The following TRPM6 variants were observed in gnomAD, a reference collection of about 807,000 sequenced individuals.
The protein encoded by TRPM6 is channel kinase 2.
TRPM6 carries 111 observed loss-of-function variants against 247.6 expected under a neutral mutation model. The observed-to-expected ratio is 0.45, with a 90% CI of 0.38 to 0.52. The LOEUF (loss-of-function observed/expected upper bound fraction) is 0.52, where lower values mean the gene tolerates loss of function less well. TRPM6 is among the 20% of genes least tolerant of loss of function. TRPM6 has a pLI of 0.00. For synonymous variants in TRPM6, 892 were observed against 853.8 expected (o/e 1.04, Z -0.78); for missense variants, 2,126 against 2,421.5 (o/e 0.88, Z 2.56).
intron 20 of TRPM6, among the ~76,000 whole-genome samples, chr9:74,786,421 G>C (rs1253346385): frequency 6.6e-6 from 1 of 152,182 alleles, no homozygotes; most frequent in Admixed American, 6.6e-5. Context: ...GAAATAGCAT[G>C]AGAAAACACC....
intron 38 of TRPM6, among the ~76,000 whole-genome samples, chr9:74,726,927 C>A (rs998228503): frequency 2.6e-5 from 4 of 152,202 alleles, no homozygotes; most frequent in Non-Finnish European, 5.9e-5. Context: ...AATCTCTTTG[C>A]TCACATCAGG....
chr9:74,820,967 G>T (rs1479470456), intron 8 of TRPM6, among the ~76,000 whole-genome samples: 1 of 152,152 alleles, frequency 6.6e-6, no homozygotes, highest in African/African-American at 2.4e-5. Context: ...AGAGGGAGAT[G>T]GTAGAGGGCG....
At chr9:74,866,760 C>T (rs1245363925) in intron 1 of TRPM6, among the ~76,000 whole-genome samples, 2 of 152,274 alleles carry the variant, frequency 1.3e-5, no homozygotes, top group Non-Finnish European at 2.9e-5. Flanking sequence ...GGATTACAGG[C>T]GTGAGCCACC....
At chr9:74,782,650 T>C (rs1827504116) in intron 22 of TRPM6, 29 bp downstream of exon 22, 1 of 1,612,670 alleles carries the variant, frequency 6.2e-7, no homozygotes, top group Non-Finnish European at 8.5e-7. Context: ...AGGCACAATT[T>C]CTGCATGACG....
intron 14 of TRPM6, among the ~76,000 whole-genome samples, chr9:74,806,345 C>T (rs1002334001): frequency 2.3e-4 from 35 of 151,938 alleles, no homozygotes; most frequent in Non-Finnish European, 2.5e-4. Context: ...AGGCTGGTCT[C>T]GAATTCCTGG....
At chr9:74,745,082 T>C (rs1388769598) in intron 31 of TRPM6, among the ~76,000 whole-genome samples, 1 of 152,196 alleles carries the variant, frequency 6.6e-6, no homozygotes, top group Non-Finnish European at 1.5e-5. Flanking sequence ...GCAAATGTAT[T>C]AGGAGAGAGA....
At chr9:74,808,512 T>C (rs1306026742) in intron 13 of TRPM6, among the ~76,000 whole-genome samples, 1 of 152,208 alleles carries the variant, frequency 6.6e-6, no homozygotes, top group Non-Finnish European at 1.5e-5. Flanking sequence ...ATATTTTTTA[T>C]TCCATATTGA....
intron 18 of TRPM6, among the ~76,000 whole-genome samples, chr9:74,794,406 T>C (rs577574493): frequency 6.6e-6 from 1 of 152,232 alleles, no homozygotes; most frequent in South Asian, 2.1e-4. Flanking sequence ...TTATCGTCAG[T>C]GCCTAATTAA....
chr9:74,744,059 G>A (rs989364206), intron 32 of TRPM6, 36 bp downstream of exon 32: 1 of 1,597,694 alleles, frequency 6.3e-7, no homozygotes, highest in Non-Finnish European at 8.6e-7. Flanking sequence ...CAGACATTTA[G>A]CTCAGCTGAC....
At position 74,858,657 on chromosome 9, in the gene TRPM6, T is replaced by G. The variant is rs201888532; in HGVS notation, c.113+12A>C. Reference sequence around the variant, plus strand: ...GTTGCTTTTAAAAGAAGAAGGTAATTGAAAATTTTACCTGTGAGGATTTTT... The same window carrying G: ...GTTGCTTTTAAAAGAAGAAGGTAATGGAAAATTTTACCTGTGAGGATTTTT... On this transcript the variant is annotated intron_variant, in intron 2 of 38. Coordinates refer to ENST00000360774, the MANE Select transcript of TRPM6 (RefSeq NM_017662.5). 1,034 of 1,597,876 alleles carry G rather than the reference T, an allele frequency of 6.5e-4. 2 individuals are homozygous for G. Among genetic ancestry groups the G allele is most frequent in the Non-Finnish European group, 8.3e-4 (966 of 1,166,432 alleles).
intron 1 of TRPM6, among the ~76,000 whole-genome samples, chr9:74,863,168 T>C (rs1015755766): frequency 3.6e-4 from 54 of 151,586 alleles, no homozygotes; most frequent in African/African-American, 1.3e-3. Context: ...TGCCTCAGTC[T>C]CCCAAGTAGC....
At chr9:74,791,817 G>A (rs567868281) in intron 19 of TRPM6, among the ~76,000 whole-genome samples, 13 of 152,182 alleles carry the variant, frequency 8.5e-5, no homozygotes, top group East Asian at 3.9e-4. Flanking sequence ...GTGTAGCGGC[G>A]CAATCTCGGC....
At chr9:74,807,486 A>G (rs1026591088) in intron 14 of TRPM6, among the ~76,000 whole-genome samples, 2 of 152,178 alleles carry the variant, frequency 1.3e-5, no homozygotes, top group Non-Finnish European at 2.9e-5. Context: ...GCTAACTACT[A>G]ACCAACAACT....
chr9:74,824,457 C>A (rs999682050), intron 7 of TRPM6, among the ~76,000 whole-genome samples: 5 of 137,446 alleles, frequency 3.6e-5, no homozygotes, highest in African/African-American at 1.3e-4. Flanking sequence ...TGGCCCACTT[C>A]TCTTGAAATA....
Position 74,766,698 on chromosome 9 carries a change from G to A in TRPM6, c.3537-3564C>T, listed in dbSNP as rs1826837755. 2.0e-5 allele frequency among the ~76,000 whole-genome samples: 3 copies of A among 151,848 alleles called. No homozygotes were observed. The South Asian group carries it at 6.2e-4, about 32-fold the overall frequency. On this transcript the variant is annotated intron_variant, in intron 25 of 38. Transcript: ENST00000360774. ...GACTGAGGCAGGTGGATCATCTAAGGTCAGGAGTTCAAGACCAGCAGGGCC... is the reference window on the plus strand; with the variant it reads ...GACTGAGGCAGGTGGATCATCTAAGATCAGGAGTTCAAGACCAGCAGGGCC...
chr9:74,768,639 C>A (rs1386843309), intron 25 of TRPM6, among the ~76,000 whole-genome samples: 1 of 152,212 alleles, frequency 6.6e-6, no homozygotes, highest in Non-Finnish European at 1.5e-5. Context: ...CACATCTGAT[C>A]CTTAACATGC....
At chr9:74,757,718 G>C (rs1826477053) in intron 27 of TRPM6, among the ~76,000 whole-genome samples, 1 of 152,156 alleles carries the variant, frequency 6.6e-6, no homozygotes. Context: ...TTCGAGATCA[G>C]CCTGGTCAAC....
At position 74,808,111 on chromosome 9, in the gene TRPM6, T is replaced by C; in HGVS notation, c.1561A>G (p.Ile521Val). The change falls in exon 14 of 39, where the codon ATT (isoleucine) becomes GTT (valine). Residue 521 changes from isoleucine (I) to valine (V), a missense_variant. Physicochemically the swap from Ile to Val is conservative, Grantham distance 29. This residue lies in a region of TRPM6 where 1,082 missense variants were observed against 1,307.9 expected (regional missense o/e 0.83). Coordinates refer to ENST00000360774, the MANE Select transcript of TRPM6 (RefSeq NM_017662.5). ...IDIGLVVEYL[I>V]GRAYRSNYTR... Reference sequence around the variant, plus strand: ...TAGTTGCTGCGATATGCTCTACCAATGAGGTATTCTACTACTAATCCAATG... The same window carrying C: ...TAGTTGCTGCGATATGCTCTACCAACGAGGTATTCTACTACTAATCCAATG... 6.2e-7 allele frequency: 1 copy of C among 1,613,484 alleles called. No homozygotes were observed. Among genetic ancestry groups the C allele is most frequent in the Middle Eastern group, 1.7e-4 (1 of 6,056 alleles).
intron 6 of TRPM6, among the ~76,000 whole-genome samples, chr9:74,830,749 G>GTTTTTT (rs71368685): frequency 2.5e-4 from 22 of 87,262 alleles, no homozygotes; most frequent in South Asian, 7.6e-4. Flanking sequence ...GCTAATTTTT[G>GTTTTTT]TTTTTTTTTT....
Sources: allele counts gnomAD v4.1 joint callset (sites outside exome capture counted in the v4.1 genomes callset), GRCh38; gene constraint gnomAD v4.1.1; regional missense constraint gnomAD v4.1.1; transcripts MANE v1.5; gene names NCBI Gene and HGNC (gene_info 2026-07-23, HGNC 2026-07-21).